Variants in CCSER1 observed in about 807,000 individuals in gnomAD.
CCSER1 encodes serine-rich coiled-coil domain-containing protein 1.
CCSER1 carries 41 observed loss-of-function variants against 82.0 expected under a neutral mutation model. The ratio of observed to expected loss-of-function variants is 0.50; its 90% CI spans 0.39 to 0.65. The LOEUF (loss-of-function observed/expected upper bound fraction) is 0.65, where lower values mean the gene tolerates loss of function less well. CCSER1 is among the 30% of genes least tolerant of loss of function. The pLI is 0.00. For missense variants in CCSER1, 1,119 were observed against 1,064.2 expected (o/e 1.05, Z -0.72); for synonymous variants, 414 against 383.9 (o/e 1.08, Z -0.92).
intron 1 of CCSER1, among the ~76,000 whole-genome samples, chr4:90,160,429 C>A (rs1336486756): frequency 6.6e-6 from 1 of 152,070 alleles, no homozygotes; most frequent in East Asian, 1.9e-4. Context: ...ATTGAGCAAC[C>A]ATGAAAGTAG....
chr4:90,522,542 G>A (rs752028524), intron 5 of CCSER1, among the ~76,000 whole-genome samples: 28 of 152,018 alleles, frequency 1.8e-4, no homozygotes, highest in Non-Finnish European at 3.5e-4. Context: ...ACTGACCATC[G>A]CCTCAACTTC....
intron 8 of CCSER1, among the ~76,000 whole-genome samples, chr4:90,820,236 G>T (rs544281965): frequency 1.5e-4 from 23 of 152,200 alleles, no homozygotes; most frequent in Middle Eastern, 3.4e-3. Context: ...TTCTCTATTT[G>T]GGCATTGGTT....
At chr4:90,764,070 G>A (rs918314495) in intron 7 of CCSER1, among the ~76,000 whole-genome samples, 2 of 152,152 alleles carry the variant, frequency 1.3e-5, no homozygotes, top group Non-Finnish European at 2.9e-5. Context: ...AGTTCACTAA[G>A]TTATATTGAC....
intron 6 of CCSER1, among the ~76,000 whole-genome samples, chr4:90,682,007 A>G (rs1463867096): frequency 6.6e-6 from 1 of 151,992 alleles, no homozygotes; most frequent in Non-Finnish European, 1.5e-5. Context: ...GAAAGAAAAA[A>G]AAATAACTTT....
intron 10 of CCSER1, among the ~76,000 whole-genome samples, chr4:91,094,757 G>A (rs944427380): frequency 1.2e-4 from 18 of 152,176 alleles, no homozygotes; most frequent in South Asian, 2.1e-4. Flanking sequence ...AGCTAGAGCC[G>A]GTTTTATCTC....
intron 1 of CCSER1, among the ~76,000 whole-genome samples, chr4:90,246,631 A>G (rs535750974): frequency 6.6e-6 from 1 of 152,272 alleles, no homozygotes; most frequent in East Asian, 1.9e-4. Context: ...GGGTACAGCA[A>G]TGAAAACAGA....
At chr4:90,471,566 A>G (rs1466216309) in intron 5 of CCSER1, among the ~76,000 whole-genome samples, 1 of 152,004 alleles carries the variant, frequency 6.6e-6, no homozygotes, top group South Asian at 2.1e-4. Context: ...AAATTTTGTA[A>G]TTTTTTTGCA....
intron 9 of CCSER1, among the ~76,000 whole-genome samples, chr4:91,075,569 C>T (rs191784355): frequency 2.0e-3 from 305 of 152,168 alleles, no homozygotes; most frequent in African/African-American, 7.0e-3. Context: ...AATAATTTGA[C>T]TGTTCGTGTG....
intron 10 of CCSER1, among the ~76,000 whole-genome samples, chr4:91,301,575 G>A (rs1271749207): frequency 1.3e-5 from 2 of 150,962 alleles, no homozygotes; most frequent in Non-Finnish European, 3.0e-5. Context: ...ATAGAACAGA[G>A]GGATATATTA....
chr4:91,559,953 T>C (rs1251448940), intron 10 of CCSER1, among the ~76,000 whole-genome samples: 2 of 151,424 alleles, frequency 1.3e-5, no homozygotes, highest in African/African-American at 4.8e-5. Context: ...AGGAAAAATA[T>C]AAGAAATCAA....
Position 90,674,942 on chromosome 4 carries a change from A to G in CCSER1, c.1932+46710A>G, listed in dbSNP as rs560231225. 3.9e-5 allele frequency among the ~76,000 whole-genome samples: 6 copies of G among 152,150 alleles called. No individual in the cohort carries two copies. The South Asian group carries it at 1.0e-3, about 26-fold the overall frequency. On this transcript the variant is annotated intron_variant, in intron 6 of 10. Transcript: ENST00000509176. ...TATAATGAAAATATTATTGTGTCAC[A>G]TTATTATGACTATTTTTCAGTGGGT...
chr4:90,347,993 T>A (rs1742707527), intron 3 of CCSER1, among the ~76,000 whole-genome samples: 1 of 152,124 alleles, frequency 6.6e-6, no homozygotes, highest in South Asian at 2.1e-4. Flanking sequence ...GAGGACATTA[T>A]CTTTAGCAAG....
intron 10 of CCSER1, among the ~76,000 whole-genome samples, chr4:91,158,800 C>G (rs1335469100): frequency 6.6e-6 from 1 of 151,914 alleles, no homozygotes; most frequent in Admixed American, 6.6e-5. Flanking sequence ...CTGGCTCAAT[C>G]AGGTGAATCA....
chr4:90,956,803 ACT>A (rs1733484082), intron 9 of CCSER1, among the ~76,000 whole-genome samples: 1 of 147,438 alleles, frequency 6.8e-6, no homozygotes, highest in Non-Finnish European at 1.5e-5. Flanking sequence ...CAGTATTTTA[ACT>A]CTGTCACCCA....
chr4:90,476,645 G>A (rs570778807), intron 5 of CCSER1, among the ~76,000 whole-genome samples: 6 of 152,072 alleles, frequency 3.9e-5, no homozygotes, highest in South Asian at 2.1e-4. Flanking sequence ...GTTTTCAAAC[G>A]TCAAGAACCA....
chr4:90,592,218 TA>T (rs1308029921), intron 5 of CCSER1, among the ~76,000 whole-genome samples: 3 of 151,850 alleles, frequency 2.0e-5, no homozygotes, highest in African/African-American at 7.3e-5. Context: ...TATATAAAAA[TA>T]AAAAAAGAAA....
At chr4:90,636,941 G>A (rs991616217) in intron 6 of CCSER1, among the ~76,000 whole-genome samples, 2 of 152,210 alleles carry the variant, frequency 1.3e-5, no homozygotes, top group African/African-American at 4.8e-5. Context: ...CTACAAAAAA[G>A]TTAATAATAA....
intron 1 of CCSER1, among the ~76,000 whole-genome samples, chr4:90,155,152 C>G (rs1237450703): frequency 5.3e-5 from 8 of 152,160 alleles, no homozygotes; most frequent in Admixed American, 5.2e-4. Context: ...TGGTTTTTGT[C>G]TTTGGTTCTG....
rs1032323612 is a variant in CCSER1 at position 90,374,264 on chromosome 4, A to G, written c.1510-25772A>G. Among the ~76,000 whole-genome samples the G allele has an allele frequency of 2.6e-5, 4 of 152,254 alleles. No individual in the cohort carries two copies. The East Asian group carries it at 7.7e-4, about 29-fold the overall frequency. ...AAACATGTTGATCACATTAATGGTC[A>G]ACCAAGCAATAAATTATCCTTCACT... On this transcript the variant is annotated intron_variant, in intron 3 of 10. Transcript: ENST00000509176.
Sources: gnomAD v4.1 joint callset for allele counts (sites outside exome capture counted in the v4.1 genomes callset) on GRCh38, gnomAD v4.1.1 for gene constraint, MANE v1.5 for transcripts, NCBI Gene and HGNC (gene_info 2026-07-23, HGNC 2026-07-21) for gene names.